The following RASGEF1C variants were observed in gnomAD, a reference collection of about 807,000 sequenced individuals.
RASGEF1C encodes the protein RasGEF domain family member 1C, also known as ras-GEF domain-containing family member 1C.
A neutral mutation model predicts 58.1 loss-of-function variants in RASGEF1C; 27 were observed. The ratio of observed to expected loss-of-function variants is 0.46; its 90% CI spans 0.34 to 0.64. The LOEUF is 0.64. Among genes scored for constraint, RASGEF1C ranks in the 30% least tolerant of loss-of-function variants. The probability of loss-of-function intolerance (pLI) is 0.01; values close to 1 mark genes in which losing one functional copy is unlikely to be tolerated. For synonymous variants in RASGEF1C, 243 were observed against 246.3 expected (o/e 0.99, Z 0.13); for missense variants, 502 against 605.1 (o/e 0.83, Z 1.79).
intron 12 of RASGEF1C, among the ~76,000 whole-genome samples, chr5:180,110,728 G>A (rs1157842717): frequency 1.3e-5 from 2 of 152,204 alleles, no homozygotes; most frequent in African/African-American, 2.4e-5. Flanking sequence ...CTCACCTCGT[G>A]CCTGTGTCTG....
intron 12 of RASGEF1C, among the ~76,000 whole-genome samples, chr5:180,110,815 A>AT (rs34922364): frequency 0.31 from 46,269 of 149,844 alleles, 7,347 homozygotes; most frequent in East Asian, 0.48. Flanking sequence ...TGGGAAGGTG[A>AT]TTTTTTTTTT....
rs149646815 is a variant in RASGEF1C at position 180,158,506 on chromosome 5, G to A, written c.-6-20448C>T. Among the ~76,000 whole-genome samples, 7 of 152,252 alleles carry A rather than the reference G, an allele frequency of 4.6e-5. No homozygotes were observed. In the East Asian group the frequency reaches 5.8e-4, roughly 13 times the overall value. On this transcript the variant is annotated intron_variant, in intron 1 of 13. Coordinates refer to ENST00000361132, the MANE Select transcript of RASGEF1C (RefSeq NM_175062.4). The surrounding 1 kb of genome is among the most constrained non-coding windows in gnomAD (Gnocchi z 4.0). ...GGCATAGAATTCTAGATCTGTGCTC[G>A]TTTGTCTTCACAATTTTGAAGGCAT...
At chr5:180,199,688 T>TC (rs1263469981) in intron 1 of RASGEF1C, among the ~76,000 whole-genome samples, 2 of 74,186 alleles carry the variant, frequency 2.7e-5, no homozygotes, top group Non-Finnish European at 5.3e-5. Context: ...TCCCTTCCCC[T>TC]CCCCTCCCTC....
At position 180,198,629 on chromosome 5, in the gene RASGEF1C, C is replaced by A. The variant is rs72823729; in HGVS notation, c.-7+10399G>T. ...CTTTCTTTTATAGGGGAACGAATTC[C>A]GTTTTTTAGGGTACTACCCATGAAA... On this transcript the variant is annotated intron_variant, in intron 1 of 13. Coordinates refer to ENST00000361132, the MANE Select transcript of RASGEF1C (RefSeq NM_175062.4). The surrounding 1 kb of genome is among the most constrained non-coding windows in gnomAD (Gnocchi z 4.5). 6.6e-6 allele frequency among the ~76,000 whole-genome samples: 1 copy of A among 152,256 alleles called. No homozygotes were observed. The highest frequency in any genetic ancestry group is 1.5e-5 in the Non-Finnish European group (1 of 68,020).
At chr5:180,178,121 C>T (rs1469357947) in intron 1 of RASGEF1C, among the ~76,000 whole-genome samples, 1 of 150,366 alleles carries the variant, frequency 6.7e-6, no homozygotes, top group Non-Finnish European at 1.5e-5. Flanking sequence ...CGTGCACCAC[C>T]AAGCCTGGCT....
intron 1 of RASGEF1C, among the ~76,000 whole-genome samples, chr5:180,144,630 C>T (rs1159469926): frequency 6.6e-6 from 1 of 151,966 alleles, no homozygotes; most frequent in African/African-American, 2.4e-5. Flanking sequence ...CAGAGCAAGA[C>T]CCTGCCTCTA....
At chr5:180,148,978 C>G (rs1766703397) in intron 1 of RASGEF1C, among the ~76,000 whole-genome samples, 1 of 152,060 alleles carries the variant, frequency 6.6e-6, no homozygotes, top group African/African-American at 2.4e-5. Context: ...TTTTGCCATA[C>G]ATAGGATTCT....
chr5:180,114,556 G>GGGCA lies in RASGEF1C; in HGVS notation c.1084-19_1084-16dup, dbSNP rs778020989. ...GGAATGACAATCTGGAAGAAAGAGG[G>GGGCA]GGCAGGTCGGCCCCAGCCGGCCCTC... On this transcript the variant is annotated splice_polypyrimidine_tract_variant and intron_variant, in intron 10 of 13. Coordinates refer to ENST00000361132, the MANE Select transcript of RASGEF1C (RefSeq NM_175062.4). The GGGCA allele has an allele frequency of 6.2e-7, 1 of 1,604,248 alleles. No homozygotes were observed.
At chr5:180,112,468 T>A (rs1765974468) in intron 11 of RASGEF1C, among the ~76,000 whole-genome samples, 1 of 152,214 alleles carries the variant, frequency 6.6e-6, no homozygotes, top group Non-Finnish European at 1.5e-5. Flanking sequence ...CTCTCTGGGC[T>A]ATAGATGAAG....
At chr5:180,144,642 C>CA (rs200640266) in intron 1 of RASGEF1C, among the ~76,000 whole-genome samples, 1 of 151,752 alleles carries the variant, frequency 6.6e-6, no homozygotes, top group Admixed American at 6.6e-5. Flanking sequence ...CTGCCTCTAC[C>CA]AAAAAAATAA....
In RASGEF1C at chr5:180,108,569, A is replaced by AT. The variant is rs531529837; in HGVS notation, c.1303+2887dup. ...TATTGTTCCATCTTCCAGTTCATAG[A>AT]TTTTTTTCCTCTGCCTTCTTTATTC... On this transcript the variant is annotated intron_variant, in intron 12 of 13. Coordinates refer to ENST00000361132, the MANE Select transcript of RASGEF1C (RefSeq NM_175062.4). Among the ~76,000 whole-genome samples the AT allele has an allele frequency of 3.3e-5, 5 of 151,820 alleles. No individual in the cohort carries two copies. The South Asian group carries it at 6.2e-4, about 19-fold the overall frequency.
At chr5:180,128,378 C>G (rs1326873783) in intron 5 of RASGEF1C, 32 bp downstream of exon 5, 1 of 1,588,954 alleles carries the variant, frequency 6.3e-7, no homozygotes, top group Non-Finnish European at 8.6e-7. Context: ...CTGCTGAATC[C>G]CGGGTGAGGA....
chr5:180,208,369 T>A (rs1322410666), intron 1 of RASGEF1C, among the ~76,000 whole-genome samples: 9 of 152,104 alleles, frequency 5.9e-5, no homozygotes, highest in African/African-American at 2.2e-4. Context: ...ACGCTGAGCA[T>A]GGGGCGGCGT....
chr5:180,167,546 T>A (rs926312397), intron 1 of RASGEF1C, among the ~76,000 whole-genome samples: 2 of 152,136 alleles, frequency 1.3e-5, no homozygotes, highest in African/African-American at 2.4e-5. Context: ...GTTATTGTAT[T>A]TTTCAGTTCT....
Position 180,209,188 on chromosome 5 carries a change from C to T in RASGEF1C, c.-167G>A, listed in dbSNP as rs1756557803. 3 of 146,976 alleles carry T rather than the reference C, an allele frequency of 2.0e-5. No homozygotes were observed. Among genetic ancestry groups the T allele is most frequent in the South Asian group, 1.9e-4 (1 of 5,160 alleles). 9.1% of individuals were successfully genotyped at this position (146,976 alleles called of 1,614,324 possible). A position where few individuals can be genotyped will look rare whatever the true frequency, so the allele number is the denominator to read the frequency against. The stretch of plus-strand genomic sequence containing the variant: ...CTCCCAGCGCAGCCCGCACGAGCGC[C>T]TGGCGGCGGCCCCGGAGCAACGCGG... On this transcript the variant is annotated 5_prime_UTR_variant, in exon 1 of 14. Transcript: ENST00000361132.
chr5:180,204,616 C>CTCCATCTA (rs1756457590), intron 1 of RASGEF1C, among the ~76,000 whole-genome samples: 1 of 149,114 alleles, frequency 6.7e-6, no homozygotes, highest in African/African-American at 2.5e-5. Flanking sequence ...ATGGATATTC[C>CTCCATCTA]TCTATCTATC....
chr5:180,179,889 C>T (rs1468782451), intron 1 of RASGEF1C, among the ~76,000 whole-genome samples: 1 of 152,230 alleles, frequency 6.6e-6, no homozygotes, highest in Non-Finnish European at 1.5e-5. Context: ...GTGTCAGTTT[C>T]CTCCTTTACC....
At chr5:180,186,598 T>C (rs184711256) in intron 1 of RASGEF1C, among the ~76,000 whole-genome samples, 12 of 152,366 alleles carry the variant, frequency 7.9e-5, no homozygotes, top group Admixed American at 7.8e-4. Flanking sequence ...AAGATGGCAA[T>C]ACTAACCAAA....
intron 1 of RASGEF1C, among the ~76,000 whole-genome samples, chr5:180,170,952 G>C (rs1201442846): frequency 6.6e-6 from 1 of 152,230 alleles, no homozygotes. Context: ...CCTGGAGAGT[G>C]GGGAGGAGGG....
Sources: allele counts gnomAD v4.1 joint callset (sites outside exome capture counted in the v4.1 genomes callset), GRCh38; gene constraint gnomAD v4.1.1; non-coding constraint Gnocchi (gnomAD v3.1); transcripts MANE v1.5; gene names NCBI Gene and HGNC (gene_info 2026-07-23, HGNC 2026-07-21).